Variants in VPS13B observed in about 807,000 individuals in gnomAD.
The protein encoded by VPS13B is vacuolar protein sorting 13 homolog B.
Under a neutral mutation model 426.4 loss-of-function variants are expected in VPS13B, and 285 were observed. The observed-to-expected ratio is 0.67, with a 90% CI of 0.61 to 0.74. The LOEUF is 0.74. Ranked by LOEUF, VPS13B falls within the 30% of genes least tolerant of loss-of-function variation. The probability of loss-of-function intolerance (pLI) is 0.00; values close to 1 mark genes in which losing one functional copy is unlikely to be tolerated. For missense variants in VPS13B, 4,537 were observed against 4,782.6 expected, an observed-to-expected ratio of 0.95 and a Z score of 1.51; for synonymous variants, 1,676 against 1,676.4, an observed-to-expected ratio of 1.00 and a Z score of 0.01.
At chr8:99,287,260 ATC>A (rs1819497236) in intron 19 of VPS13B, among the ~76,000 whole-genome samples, 1 of 151,582 alleles carries the variant, frequency 6.6e-6, no homozygotes, top group Non-Finnish European at 1.5e-5. Context: ...CTATCTATCT[ATC>A]TATCTATCTA....
At chr8:99,761,301 C>T (rs1350649716) in intron 39 of VPS13B, among the ~76,000 whole-genome samples, 1 of 152,176 alleles carries the variant, frequency 6.6e-6, no homozygotes, top group Non-Finnish European at 1.5e-5. Flanking sequence ...ACTACAGAGC[C>T]AGCCTCACAC....
At chr8:99,382,985 A>G (rs910437644) in intron 19 of VPS13B, among the ~76,000 whole-genome samples, 3 of 152,166 alleles carry the variant, frequency 2.0e-5, no homozygotes, top group Non-Finnish European at 2.9e-5. Context: ...AAATTGACAA[A>G]TATCCCTTCC....
chr8:99,067,027 G>A (rs766540188), intron 3 of VPS13B, among the ~76,000 whole-genome samples: 70 of 152,240 alleles, frequency 4.6e-4, no homozygotes, highest in South Asian at 8.3e-4. Context: ...AAATAGGAAC[G>A]CTTTTACAGT....
At chr8:99,032,701 GT>G (rs71273155) in intron 2 of VPS13B, among the ~76,000 whole-genome samples, 116,400 of 142,846 alleles carry the variant, frequency 0.81, 47,627 homozygotes, top group South Asian at 0.88. Context: ...GGCTATTTTT[GT>G]TTTTTTTTTT....
At chr8:99,422,238 A>C (rs1409974440) in intron 21 of VPS13B, among the ~76,000 whole-genome samples, 1 of 152,190 alleles carries the variant, frequency 6.6e-6, no homozygotes, top group Non-Finnish European at 1.5e-5. Context: ...TGTTTTTCAT[A>C]GCTATTTGAA....
At chr8:99,458,832 T>C (rs1005216370) in intron 23 of VPS13B, among the ~76,000 whole-genome samples, 3 of 152,206 alleles carry the variant, frequency 2.0e-5, no homozygotes, top group Admixed American at 2.0e-4. Flanking sequence ...CTTTGTCAGA[T>C]GAGTAGATTG....
intron 42 of VPS13B, 134 bp downstream of exon 42, chr8:99,779,165 A>G: frequency 1.1e-6 from 1 of 899,138 alleles, no homozygotes; most frequent in Non-Finnish European, 1.8e-6. Context: ...GGGCACCATT[A>G]TACTTGAGGC....
chr8:99,472,408 G>A (rs1277125235), intron 24 of VPS13B, among the ~76,000 whole-genome samples: 1 of 151,664 alleles, frequency 6.6e-6, no homozygotes, highest in African/African-American at 2.4e-5. Flanking sequence ...TAATAAAATA[G>A]CTAGAAAAAC....
intron 39 of VPS13B, among the ~76,000 whole-genome samples, chr8:99,740,299 G>A (rs900833216): frequency 6.6e-6 from 1 of 152,144 alleles, no homozygotes; most frequent in African/African-American, 2.4e-5. Flanking sequence ...AATGAACAAA[G>A]CCTCCAAAAA....
intron 54 of VPS13B, 91 bp from the exon 55 acceptor site, chr8:99,848,685 A>G: frequency 1.8e-6 from 2 of 1,135,934 alleles, no homozygotes; most frequent in South Asian, 1.2e-5. Context: ...TGTTTGTGGT[A>G]TTGAATCAGA....
intron 59 of VPS13B, among the ~76,000 whole-genome samples, chr8:99,870,466 C>CT (rs1365815419): frequency 2.0e-5 from 3 of 152,174 alleles, no homozygotes; most frequent in African/African-American, 7.2e-5. Flanking sequence ...CCTATCTAGA[C>CT]TTTTTTAACA....
At chr8:99,269,413 T>C (rs1264545215) in intron 17 of VPS13B, among the ~76,000 whole-genome samples, 3 of 152,202 alleles carry the variant, frequency 2.0e-5, no homozygotes, top group Non-Finnish European at 2.9e-5. Context: ...TTTCACTATC[T>C]TTGTGATTGT....
At chr8:99,673,090 CT>C (rs1167409825) in intron 35 of VPS13B, among the ~76,000 whole-genome samples, 1 of 151,904 alleles carries the variant, frequency 6.6e-6, no homozygotes, top group Non-Finnish European at 1.5e-5. Flanking sequence ...CTGAAGTTTT[CT>C]TTTTTTAGCA....
chr8:99,253,012 C>T (rs1483877474), intron 17 of VPS13B, among the ~76,000 whole-genome samples: 3 of 152,042 alleles, frequency 2.0e-5, no homozygotes, highest in African/African-American at 7.2e-5. Flanking sequence ...CCCCACAGCC[C>T]TTGGCAATCA....
At chr8:99,287,903 T>A (rs1344234356) in intron 19 of VPS13B, among the ~76,000 whole-genome samples, 1 of 152,002 alleles carries the variant, frequency 6.6e-6, no homozygotes, top group Non-Finnish European at 1.5e-5. Flanking sequence ...AAAATCAATT[T>A]AGCGAAGTTT....
chr8:99,236,902 A>G lies in VPS13B; in HGVS notation c.2516-37296A>G, dbSNP rs146127804. The stretch of plus-strand genomic sequence containing the variant: ...TTCCAGTTCTATAACCACATCTGAT[A>G]GGGTTTAGCTGTGTCCCCACCCAGA... On this transcript the variant is annotated intron_variant, in intron 17 of 61. Transcript: ENST00000357162. Among the ~76,000 whole-genome samples, 5 of 152,366 alleles carry G rather than the reference A, an allele frequency of 3.3e-5. No homozygotes were observed. The East Asian group carries it at 9.6e-4, about 29-fold the overall frequency.
intron 36 of VPS13B, among the ~76,000 whole-genome samples, chr8:99,709,649 G>A (rs1038286305): frequency 6.6e-6 from 1 of 152,160 alleles, no homozygotes; most frequent in African/African-American, 2.4e-5. Flanking sequence ...TTTGAGAAAA[G>A]TCAACAGAAA....
At chr8:99,801,476 A>G (rs779741721) in intron 43 of VPS13B, among the ~76,000 whole-genome samples, 1 of 152,164 alleles carries the variant, frequency 6.6e-6, no homozygotes, top group Non-Finnish European at 1.5e-5. Context: ...GTAGACACAA[A>G]TTTTGTGCAG....
intron 8 of VPS13B, among the ~76,000 whole-genome samples, chr8:99,130,989 A>G (rs998480114): frequency 1.6e-4 from 25 of 152,216 alleles, no homozygotes; most frequent in African/African-American, 5.8e-4. Context: ...CATTAGGCCT[A>G]AGTTAAATAT....
Sources: allele counts gnomAD v4.1 joint callset (sites outside exome capture counted in the v4.1 genomes callset), GRCh38; gene constraint gnomAD v4.1.1; transcripts MANE v1.5; gene names NCBI Gene and HGNC (gene_info 2026-07-23, HGNC 2026-07-21).